The following ASS1 variants were observed in gnomAD, a reference collection of about 807,000 sequenced individuals.
ASS1 encodes the protein argininosuccinate synthase.
A neutral mutation model predicts 60.5 loss-of-function variants in ASS1; 58 were observed. The observed-to-expected ratio is 0.96, with a 90% CI of 0.78 to 1.19. The LOEUF (loss-of-function observed/expected upper bound fraction) is 1.19. Among genes scored for constraint, ASS1 ranks in the 50% most tolerant of loss-of-function variants. The pLI, the probability that ASS1 is intolerant of heterozygous loss-of-function variation, is 0.00. For missense variants in ASS1, 454 were observed against 547.3 expected, an observed-to-expected ratio of 0.83 and a Z score of 1.70; for synonymous variants, 200 against 206.9, an observed-to-expected ratio of 0.97 and a Z score of 0.29.
chr9:130,450,186 G>T (rs1475677563), intron 1 of ASS1: 19 of 843,810 alleles, frequency 2.3e-5, no homozygotes, highest in Middle Eastern at 3.0e-4. Flanking sequence ...CTGCTCACAG[G>T]AGATTGGGCG....
At chr9:130,450,112 G>GGGCAGGA (rs1008055758) in intron 1 of ASS1, among the ~76,000 whole-genome samples, 4 of 152,236 alleles carry the variant, frequency 2.6e-5, no homozygotes, top group African/African-American at 9.6e-5. Context: ...CTGGAGCAGG[G>GGGCAGGA]GGCAGGAGGC....
chr9:130,485,808 G>A (rs1846295101), intron 11 of ASS1, among the ~76,000 whole-genome samples: 1 of 152,164 alleles, frequency 6.6e-6, no homozygotes, highest in South Asian at 2.1e-4. Context: ...TTTATTTCTG[G>A]TAATAAGGTT....
At chr9:130,456,946 C>T (rs987798298) in intron 3 of ASS1, among the ~76,000 whole-genome samples, 3 of 151,848 alleles carry the variant, frequency 2.0e-5, no homozygotes, top group African/African-American at 7.3e-5. Context: ...TACTGAAGGC[C>T]TTAGAGAGCT....
chr9:130,456,139 C>T (rs529409112), intron 3 of ASS1, among the ~76,000 whole-genome samples: 3 of 152,358 alleles, frequency 2.0e-5, no homozygotes, highest in African/African-American at 4.8e-5. Flanking sequence ...CTCTAATTTA[C>T]GTGGCGTTTT....
chr9:130,490,409 G>A (rs1264369145), intron 12 of ASS1, among the ~76,000 whole-genome samples: 3 of 152,120 alleles, frequency 2.0e-5, no homozygotes, highest in Non-Finnish European at 4.4e-5. Flanking sequence ...CGCCTCCCTG[G>A]TTCAAGCGAT....
chr9:130,466,027 G>A (rs564316569), intron 5 of ASS1, among the ~76,000 whole-genome samples: 42 of 152,290 alleles, frequency 2.8e-4, no homozygotes, highest in African/African-American at 9.6e-4. Flanking sequence ...GCTCTGAGGG[G>A]CTGAGGAGGT....
In ASS1 at chr9:130,476,874, C is replaced by A; in HGVS notation, c.601C>A (p.Gln201Lys). 6.2e-7 allele frequency: 1 copy of A among 1,613,862 alleles called. No individual in the cohort carries two copies. Among genetic ancestry groups the A allele is most frequent in the South Asian group, 1.1e-5 (1 of 91,064 alleles). ...EAGILENPKNQAPPGLYTKTQ... is the reference protein window; with the variant it reads ...EAGILENPKNKAPPGLYTKTQ... ...ACCACTTTCTGTCTTTTTTCAGAAC[C>A]AAGCGCCTCCAGGTCTCTACACGAA... is the stretch of plus-strand genomic sequence containing the variant. The change falls in exon 9 of 15, where the codon CAA (glutamine) becomes AAA (lysine). Residue 201 changes from glutamine (Q) to lysine (K), a missense_variant. Physicochemically the swap from Gln to Lys is moderately conservative, Grantham distance 53. Coordinates refer to ENST00000352480, the MANE Select transcript of ASS1 (RefSeq NM_054012.4). This position sits in a 1 kb window ranked among gnomAD's most constrained non-coding sequence, Gnocchi z 4.9.
chr9:130,494,878 A>G lies in ASS1; in HGVS notation c.982A>G (p.Ser328Gly). ...AELVYTGFWH[S>G]PECEFVRHCI... ...TTTCCTCCCTGTAGGTTTCTGGCAC[A>G]GCCCTGAGTGTGAATTTGTCCGCCA... Residue 328 changes from serine (S) to glycine (G), a missense_variant, in exon 13 of 15, where the codon AGC (serine) becomes GGC (glycine). Physicochemically the swap from Ser to Gly is moderately conservative, Grantham distance 56 (BLOSUM62 0). Transcript: ENST00000352480. This position sits in a 1 kb window ranked among gnomAD's most constrained non-coding sequence, Gnocchi z 4.3. 6.2e-7 allele frequency: 1 copy of G among 1,613,430 alleles called. No homozygotes were observed. The highest frequency in any genetic ancestry group is 8.5e-7 in the Non-Finnish European group (1 of 1,179,854).
chr9:130,450,310 G>C, intron 1 of ASS1: 1 of 987,664 alleles, frequency 1.0e-6, no homozygotes, highest in Non-Finnish European at 1.2e-6. Context: ...TCCAGACGCC[G>C]GGAACTCACG....
intron 2 of ASS1, among the ~76,000 whole-genome samples, chr9:130,453,248 T>C (rs1200426422): frequency 6.6e-6 from 1 of 152,260 alleles, no homozygotes; most frequent in Non-Finnish European, 1.5e-5. Flanking sequence ...GCCATGAGCC[T>C]ACTCCTTCAG....
chr9:130,493,773 G>GCCTC (rs1430597971), intron 12 of ASS1, among the ~76,000 whole-genome samples: 2 of 152,152 alleles, frequency 1.3e-5, no homozygotes, highest in African/African-American at 2.4e-5. Context: ...CTGCCTGCCT[G>GCCTC]CCCCTTGGTC....
At chr9:130,457,225 C>A (rs2131872690) in intron 3 of ASS1, among the ~76,000 whole-genome samples, 1 of 152,172 alleles carries the variant, frequency 6.6e-6, no homozygotes, top group African/African-American at 2.4e-5. Flanking sequence ...TTTTAGCCTC[C>A]CAGGGCTTCC....
chr9:130,472,477 A>G (rs547326927), intron 8 of ASS1, among the ~76,000 whole-genome samples: 4 of 152,276 alleles, frequency 2.6e-5, no homozygotes, highest in Admixed American at 6.5e-5. Context: ...TTCCTAGGAC[A>G]CTGGCTGGGA....
At chr9:130,495,740 C>T (rs1294265713) in intron 13 of ASS1, among the ~76,000 whole-genome samples, 3 of 151,972 alleles carry the variant, frequency 2.0e-5, no homozygotes, top group South Asian at 2.1e-4. Context: ...TGTGGAAATG[C>T]GGTAGCTTGG....
chr9:130,458,227 G>A (rs1001963695), intron 3 of ASS1, among the ~76,000 whole-genome samples, 174 bp from the exon 4 acceptor site: 1 of 152,172 alleles, frequency 6.6e-6, no homozygotes, highest in East Asian at 1.9e-4. Flanking sequence ...GAGAGTAACA[G>A]TGCAGTGTGC....
chr9:130,500,856 T>G, intron 14 of ASS1, 120 bp from the exon 15 acceptor site: 1 of 1,076,806 alleles, frequency 9.3e-7, no homozygotes, highest in Non-Finnish European at 1.4e-6. Context: ...AAAAGGCAAC[T>G]TCACACACAT....
In ASS1 at chr9:130,461,971, G is replaced by C. The variant is rs556860452; in HGVS notation, c.364-2140G>C. Among the ~76,000 whole-genome samples, 3 of 152,106 alleles carry C rather than the reference G, an allele frequency of 2.0e-5. No individual in the cohort carries two copies. In the East Asian group the frequency reaches 5.8e-4, roughly 29 times the overall value. On this transcript the variant is annotated intron_variant, in intron 4 of 14. Transcript: ENST00000352480. ...GAAGGGCATCCTGTTTGCTGGAACC[G>C]CCTGAGCCCAGCCCTGAAGGCAGAG... is the stretch of plus-strand genomic sequence containing the variant.
intron 11 of ASS1, among the ~76,000 whole-genome samples, chr9:130,484,799 G>GCACACACACACACACACACA (rs3030699): frequency 6.8e-6 from 1 of 146,604 alleles, no homozygotes; most frequent in African/African-American, 2.5e-5. Context: ...AGCTTTAAAC[G>GCACACACACACACACACACA]CACACACACA....
In ASS1 at chr9:130,476,840, C is replaced by G. The variant is rs966116020; in HGVS notation, c.598-31C>G. On this transcript the variant is annotated intron_variant, in intron 8 of 14. Transcript: ENST00000352480. This position sits in a 1 kb window ranked among gnomAD's most constrained non-coding sequence, Gnocchi z 4.9. Reference sequence around the variant, plus strand: ...GTAGGGTGTCCAGGGACTGGTATGTCATCTGCCCACCACTTTCTGTCTTTT... The same window carrying G: ...GTAGGGTGTCCAGGGACTGGTATGTGATCTGCCCACCACTTTCTGTCTTTT... The G allele has an allele frequency of 1.9e-6, 3 of 1,588,284 alleles. No individual in the cohort carries two copies. Among genetic ancestry groups the G allele is most frequent in the African/African-American group, 2.7e-5 (2 of 74,282 alleles).
Sources: allele counts gnomAD v4.1 joint callset (sites outside exome capture counted in the v4.1 genomes callset), GRCh38; gene constraint gnomAD v4.1.1; non-coding constraint Gnocchi (gnomAD v3.1); transcripts MANE v1.5; gene names NCBI Gene and HGNC (gene_info 2026-07-23, HGNC 2026-07-21).